SCN7A: variants seen among roughly 807,000 people sequenced by gnomAD.
SCN7A encodes sodium channel protein type 7 subunit alpha.
SCN7A carries 138 observed loss-of-function variants against 155.2 expected under a neutral mutation model. The ratio of observed to expected loss-of-function variants is 0.89; its 90% CI spans 0.77 to 1.02. The LOEUF is 1.02. Among genes scored for constraint, SCN7A ranks in the 50% least tolerant of loss-of-function variants. The pLI, the probability that SCN7A is intolerant of heterozygous loss-of-function variation, is 0.00. For synonymous variants in SCN7A, 693 were observed against 649.0 expected, an observed-to-expected ratio of 1.07 and a Z score of -1.03; for missense variants, 2,058 against 1,986.6, an observed-to-expected ratio of 1.04 and a Z score of -0.68.
intron 8 of SCN7A, 25 bp from the exon 9 acceptor site, chr2:166,465,556 T>C (rs1276062169): frequency 6.5e-7 from 1 of 1,527,226 alleles, no homozygotes; most frequent in East Asian, 2.3e-5. Flanking sequence ...AGAAATGATA[T>C]TCTATATGTA....
chr2:166,482,407 CTTTTCT>C (rs1272036256), intron 2 of SCN7A, among the ~76,000 whole-genome samples: 2 of 152,002 alleles, frequency 1.3e-5, no homozygotes, highest in Non-Finnish European at 2.9e-5. Flanking sequence ...TATAATATCC[CTTTTCT>C]TTTTCTTTTA....
At chr2:166,461,278 A>G (rs1702402834) in intron 10 of SCN7A, among the ~76,000 whole-genome samples, 1 of 152,146 alleles carries the variant, frequency 6.6e-6, no homozygotes, top group African/African-American at 2.4e-5. Context: ...GTTTAAAAAT[A>G]AAGAATGTTC....
chr2:166,478,327 G>GA (rs924006728), intron 2 of SCN7A, among the ~76,000 whole-genome samples: 57 of 148,722 alleles, frequency 3.8e-4, no homozygotes, highest in Non-Finnish European at 7.0e-4. Flanking sequence ...TATATAAAAA[G>GA]AAAAAAAAAT....
At chr2:166,466,449 G>A (rs1395969860) in intron 7 of SCN7A, among the ~76,000 whole-genome samples, 1 of 152,052 alleles carries the variant, frequency 6.6e-6, no homozygotes, top group Non-Finnish European at 1.5e-5. Flanking sequence ...GCAGGAAAGA[G>A]AATAACACAA....
intron 15 of SCN7A, among the ~76,000 whole-genome samples, chr2:166,435,196 A>G (rs2105419643): frequency 6.6e-6 from 1 of 152,208 alleles, no homozygotes; most frequent in East Asian, 1.9e-4. Context: ...CTTTGTTCAG[A>G]TGTGGTCTGA....
intron 19 of SCN7A, among the ~76,000 whole-genome samples, 157 bp downstream of exon 19, chr2:166,423,102 T>C (rs567821709): frequency 6.6e-6 from 1 of 152,062 alleles, no homozygotes; most frequent in African/African-American, 2.4e-5. Context: ...AAGAAAATGA[T>C]AGATGTTAAA....
At chr2:166,407,532 T>C (rs1701101151) in intron 25 of SCN7A, among the ~76,000 whole-genome samples, 1 of 151,948 alleles carries the variant, frequency 6.6e-6, no homozygotes, top group African/African-American at 2.4e-5. Flanking sequence ...ATGATATTTC[T>C]CTCTGATGTT....
intron 11 of SCN7A, among the ~76,000 whole-genome samples, chr2:166,448,964 C>G (rs980485938): frequency 6.6e-6 from 1 of 152,052 alleles, no homozygotes; most frequent in African/African-American, 2.4e-5. Flanking sequence ...CTTAGATAGA[C>G]CATGTATGAT....
intron 18 of SCN7A, among the ~76,000 whole-genome samples, chr2:166,425,762 T>A (rs890014093): frequency 1.3e-5 from 2 of 152,116 alleles, no homozygotes; most frequent in Non-Finnish European, 2.9e-5. Flanking sequence ...CTCAGCTAGA[T>A]AATTCAGGAT....
At chr2:166,420,386 T>C (rs1202555875) in intron 20 of SCN7A, among the ~76,000 whole-genome samples, 1 of 152,090 alleles carries the variant, frequency 6.6e-6, no homozygotes, top group African/African-American at 2.4e-5. Flanking sequence ...GAAAAAAATC[T>C]ATGTAAATAA....
intron 3 of SCN7A, 111 bp downstream of exon 3, chr2:166,477,352 A>G (rs1275913101): frequency 2.6e-6 from 2 of 770,938 alleles, no homozygotes; most frequent in Non-Finnish European, 4.0e-6. Flanking sequence ...TTAAAATCAG[A>G]TCTTTCCCTG....
chr2:166,479,864 A>G (rs912253001), intron 2 of SCN7A, among the ~76,000 whole-genome samples: 1 of 152,156 alleles, frequency 6.6e-6, no homozygotes, highest in African/African-American at 2.4e-5. Context: ...GTACAAGGAA[A>G]TTTTAAAGGG....
intron 22 of SCN7A, 137 bp downstream of exon 22, chr2:166,412,931 A>G: frequency 1.2e-6 from 1 of 861,200 alleles, no homozygotes; most frequent in Non-Finnish European, 1.8e-6. Context: ...TAACCCTGGA[A>G]GAATTTCATT....
At chr2:166,420,100 A>G (rs1321199194) in intron 20 of SCN7A, among the ~76,000 whole-genome samples, 1 of 152,060 alleles carries the variant, frequency 6.6e-6, no homozygotes, top group Admixed American at 6.6e-5. Context: ...ATAAAAGTGA[A>G]ATTATTAAAA....
At chr2:166,474,989 T>C (rs1702748420) in intron 3 of SCN7A, among the ~76,000 whole-genome samples, 1 of 149,540 alleles carries the variant, frequency 6.7e-6, no homozygotes. Context: ...CATATATCTA[T>C]GTGTACATGC....
chr2:166,439,726 T>C (rs2105429691), intron 15 of SCN7A, among the ~76,000 whole-genome samples: 1 of 152,348 alleles, frequency 6.6e-6, no homozygotes, highest in South Asian at 2.1e-4. Context: ...AAGTATTTTT[T>C]ACATGTTGGG....
chr2:166,411,028 G>A (rs1701192196), intron 23 of SCN7A, among the ~76,000 whole-genome samples: 1 of 151,946 alleles, frequency 6.6e-6, no homozygotes, highest in East Asian at 1.9e-4. Flanking sequence ...CTACAGGGTT[G>A]ATATTCGTAG....
intron 9 of SCN7A, among the ~76,000 whole-genome samples, chr2:166,464,145 TAC>T (rs1216746789): frequency 1.4e-5 from 2 of 146,164 alleles, no homozygotes; most frequent in Non-Finnish European, 3.0e-5. Flanking sequence ...TACGAATATA[TAC>T]ACATATATAT....
chr2:166,470,791 T>G, intron 6 of SCN7A, 85 bp from the exon 7 acceptor site: 1 of 1,196,812 alleles, frequency 8.4e-7, no homozygotes, highest in Non-Finnish European at 1.2e-6. Context: ...TGAAACTTAT[T>G]TTTAAAACCA....
Sources: gnomAD v4.1 joint callset for allele counts (sites outside exome capture counted in the v4.1 genomes callset) on GRCh38, gnomAD v4.1.1 for gene constraint, MANE v1.5 for transcripts, NCBI Gene and HGNC (gene_info 2026-07-23, HGNC 2026-07-21) for gene names.